The following RMP24 variants were observed in gnomAD, a reference collection of about 807,000 sequenced individuals.
The protein encoded by RMP24 is ribonuclease MRP protein subunit p24.
At chr18:35,975,121 G>A in the RMP24 span, 6 of 1,571,788 alleles carry the variant, frequency 3.8e-6, no homozygotes, top group Non-Finnish European at 5.2e-6. Context: ...CAGTATGTAT[G>A]AGTAAACTAG....
At chr18:35,978,723 C>G in the RMP24 span, 51 of 940,044 alleles carry the variant, frequency 5.4e-5, no homozygotes, top group Non-Finnish European at 6.8e-5. Context: ...AGGGATTTGT[C>G]AAATGATAAT....
chr18:35,979,219 T>C, the RMP24 span: 2 of 408,656 alleles, frequency 4.9e-6, no homozygotes, highest in African/African-American at 4.1e-5. Context: ...GAAAGTTCCT[T>C]GTAGATACAT....
At chr18:35,975,879 TTG>T in the RMP24 span, among the ~76,000 whole-genome samples, 1 of 152,188 alleles carries the variant, frequency 6.6e-6, no homozygotes. Context: ...GCATTTTGCT[TTG>T]TCATAAAATT....
chr18:35,975,060 A>T, the RMP24 span: 1 of 1,613,858 alleles, frequency 6.2e-7, no homozygotes, highest in Non-Finnish European at 8.5e-7. Flanking sequence ...AGAAGCAAAA[A>T]TGGTGAAAAA....
the RMP24 span, among the ~76,000 whole-genome samples, chr18:35,977,073 G>A: frequency 6.6e-6 from 1 of 152,076 alleles, no homozygotes; most frequent in Non-Finnish European, 1.5e-5. Context: ...TAAAAATACA[G>A]AATTAGCCAG....
the RMP24 span, among the ~76,000 whole-genome samples, chr18:35,977,007 C>T: frequency 2.6e-5 from 4 of 152,138 alleles, no homozygotes; most frequent in African/African-American, 7.2e-5. Context: ...GCGGGTGGAT[C>T]GCCTGAGGTC....
chr18:35,976,637 T>C, the RMP24 span, among the ~76,000 whole-genome samples: 3 of 152,202 alleles, frequency 2.0e-5, no homozygotes, highest in African/African-American at 7.2e-5. Context: ...TAAGTTACTT[T>C]AGACCTATGT....
chr18:35,978,565 G>A, the RMP24 span, among the ~76,000 whole-genome samples: 1 of 152,126 alleles, frequency 6.6e-6, no homozygotes, highest in Non-Finnish European at 1.5e-5. Context: ...GAGCTGAGAT[G>A]GCGCCACTGC....
At chr18:35,973,097 C>G in the RMP24 span, 1 of 704,404 alleles carries the variant, frequency 1.4e-6, no homozygotes, top group South Asian at 1.7e-5. Flanking sequence ...TTGTTAGCGG[C>G]ATTTGACACA....
the RMP24 span, among the ~76,000 whole-genome samples, chr18:35,975,464 G>A: frequency 6.6e-6 from 1 of 152,164 alleles, no homozygotes; most frequent in Non-Finnish European, 1.5e-5. Context: ...ACTATGTTAT[G>A]TATGTAGGTA....
the RMP24 span, among the ~76,000 whole-genome samples, chr18:35,975,451 A>G: frequency 6.6e-6 from 1 of 152,204 alleles, no homozygotes; most frequent in Non-Finnish European, 1.5e-5. Flanking sequence ...TGCTTCAGAT[A>G]GTACTATGTT....
the RMP24 span, chr18:35,975,068 A>AAT: frequency 6.2e-7 from 1 of 1,613,604 alleles, no homozygotes; most frequent in East Asian, 2.2e-5. Context: ...AAATGGTGAA[A>AAT]AAGTTCAAAG....
chr18:35,977,100 C>A, the RMP24 span, among the ~76,000 whole-genome samples: 1 of 151,996 alleles, frequency 6.6e-6, no homozygotes, highest in South Asian at 2.1e-4. Flanking sequence ...TGGAAGGCGC[C>A]TGGTCTCAGC....
chr18:35,975,094 T>C, the RMP24 span: 3 of 1,611,164 alleles, frequency 1.9e-6, no homozygotes, highest in Admixed American at 5.0e-5. Context: ...AAAAGTGTAT[T>C]GGTAAGATTT....
At chr18:35,972,985 G>C in the RMP24 span, 2 of 1,576,234 alleles carry the variant, frequency 1.3e-6, no homozygotes, top group African/African-American at 1.3e-5. Context: ...GCTCAAATAA[G>C]GCCGATGGAC....
chr18:35,973,232 C>T, the RMP24 span: 1 of 482,486 alleles, frequency 2.1e-6, no homozygotes, highest in Admixed American at 3.3e-5. Context: ...TAAGTATTGT[C>T]GTGGCCCAGT....
the RMP24 span, chr18:35,972,925 C>CT: frequency 2.2e-5 from 36 of 1,614,072 alleles, no homozygotes; most frequent in African/African-American, 4.5e-4. Flanking sequence ...GAACGCCTGT[C>CT]TCTTGTGCTT....
chr18:35,973,003 C>T, the RMP24 span: 1 of 1,509,130 alleles, frequency 6.6e-7, no homozygotes, highest in Non-Finnish European at 9.2e-7. Flanking sequence ...GACTCACTTC[C>T]CTCCATAAAA....
the RMP24 span, chr18:35,972,718 C>A: frequency 6.2e-7 from 1 of 1,601,664 alleles, no homozygotes. Flanking sequence ...CCAGCGGCAG[C>A]GGCGGCGGCG....
Sources: allele counts gnomAD v4.1 joint callset (sites outside exome capture counted in the v4.1 genomes callset), GRCh38; gene constraint gnomAD v4.1.1; transcripts MANE v1.5; gene names NCBI Gene and HGNC (gene_info 2026-07-23, HGNC 2026-07-21).